The following ATRNL1 variants were observed in gnomAD, a reference collection of about 807,000 sequenced individuals.
ATRNL1 encodes the protein attractin like 1, also known as attractin-like protein 1.
ATRNL1 carries 95 observed loss-of-function variants against 182.7 expected under a neutral mutation model. The observed-to-expected ratio is 0.52, with a 90% CI of 0.44 to 0.62. The LOEUF is 0.62. Ranked by LOEUF, ATRNL1 falls within the 20% of genes least tolerant of loss-of-function variation. The pLI, the probability that ATRNL1 is intolerant of heterozygous loss-of-function variation, is 0.00. For synonymous variants in ATRNL1, 576 were observed against 568.3 expected, an observed-to-expected ratio of 1.01 and a Z score of -0.19; for missense variants, 1,471 against 1,679.5, an observed-to-expected ratio of 0.88 and a Z score of 2.17.
Position 115,943,112 on chromosome 10 carries a change from C to T in ATRNL1, c.4019-1546C>T, listed in dbSNP as rs1953777359. On this transcript the variant is annotated intron_variant, in intron 28 of 28. Coordinates refer to ENST00000355044, the MANE Select transcript of ATRNL1 (RefSeq NM_207303.4). ...TAATACTCAAGGTCCTTTTCTAGTA[C>T]TTAAGACGCTTGTCAGCTAAATGTC... is the stretch of plus-strand genomic sequence containing the variant. Among the ~76,000 whole-genome samples the T allele has an allele frequency of 2.0e-5, 3 of 152,326 alleles. No individual in the cohort carries two copies. The South Asian group carries it at 6.2e-4, about 32-fold the overall frequency.
At chr10:115,282,728 A>C (rs1852426780) in intron 14 of ATRNL1, among the ~76,000 whole-genome samples, 1 of 152,006 alleles carries the variant, frequency 6.6e-6, no homozygotes. Context: ...CTTGTAAATG[A>C]CAGAGTTGTA....
chr10:115,473,263 G>A (rs1848388237), intron 24 of ATRNL1, among the ~76,000 whole-genome samples: 1 of 151,028 alleles, frequency 6.6e-6, no homozygotes, highest in Non-Finnish European at 1.5e-5. Flanking sequence ...TTTTGTTGAG[G>A]ATATTTGCAT....
At chr10:115,107,958 G>A (rs182411462) in intron 1 of ATRNL1, among the ~76,000 whole-genome samples, 48 of 152,068 alleles carry the variant, frequency 3.2e-4, no homozygotes, top group Admixed American at 5.2e-4. Context: ...TCCTAGATGG[G>A]AGGGGCAGCC....
At chr10:115,288,532 T>A (rs1237770027) in intron 15 of ATRNL1, among the ~76,000 whole-genome samples, 7 of 151,238 alleles carry the variant, frequency 4.6e-5, no homozygotes, top group African/African-American at 1.2e-4. Context: ...TTTTTTTTTT[T>A]ATTTTTTTTG....
At chr10:115,770,111 C>G (rs1593192252) in intron 27 of ATRNL1, among the ~76,000 whole-genome samples, 1 of 151,462 alleles carries the variant, frequency 6.6e-6, no homozygotes, top group East Asian at 1.9e-4. Flanking sequence ...AAACCTGGGT[C>G]TAGGTTATAC....
intron 27 of ATRNL1, among the ~76,000 whole-genome samples, chr10:115,807,318 G>T (rs1321380105): frequency 1.3e-5 from 2 of 152,006 alleles, no homozygotes; most frequent in Non-Finnish European, 2.9e-5. Flanking sequence ...TCTTCATCAT[G>T]TTGGCCAGGC....
intron 26 of ATRNL1, among the ~76,000 whole-genome samples, chr10:115,606,967 C>A (rs933282080): frequency 1.3e-5 from 2 of 151,828 alleles, no homozygotes; most frequent in South Asian, 4.1e-4. Context: ...TTCAGTGATG[C>A]GTGATAAAGT....
At chr10:115,918,125 C>A (rs2620957) in intron 28 of ATRNL1, among the ~76,000 whole-genome samples, 142,461 of 144,280 alleles carry the variant, frequency 0.99, 70,342 homozygotes, top group East Asian at 1. Context: ...TTTTTAAGAC[C>A]AAGTCTTGCT....
intron 26 of ATRNL1, among the ~76,000 whole-genome samples, chr10:115,619,651 A>G (rs1339994325): frequency 6.6e-6 from 1 of 152,196 alleles, no homozygotes; most frequent in African/African-American, 2.4e-5. Flanking sequence ...ATGTTTAACC[A>G]TTTATTTTTC....
intron 26 of ATRNL1, among the ~76,000 whole-genome samples, chr10:115,639,798 T>A (rs1555029600): frequency 6.6e-6 from 1 of 151,536 alleles, no homozygotes; most frequent in African/African-American, 2.4e-5. Flanking sequence ...AATGAGGGGT[T>A]TTTTTTTCAA....
intron 27 of ATRNL1, among the ~76,000 whole-genome samples, chr10:115,823,892 G>A (rs1950362890): frequency 6.6e-6 from 1 of 152,052 alleles, no homozygotes; most frequent in Non-Finnish European, 1.5e-5. Flanking sequence ...CCATCAAGTT[G>A]CCATTGACTT....
At chr10:115,770,181 G>A (rs1271452361) in intron 27 of ATRNL1, among the ~76,000 whole-genome samples, 2 of 151,696 alleles carry the variant, frequency 1.3e-5, no homozygotes, top group East Asian at 3.9e-4. Flanking sequence ...TTATAAGGAA[G>A]CACAATAATG....
chr10:115,364,666 T>C (rs1291192338), intron 19 of ATRNL1, among the ~76,000 whole-genome samples: 2 of 151,218 alleles, frequency 1.3e-5, no homozygotes, highest in African/African-American at 4.9e-5. Context: ...TTGTCATAGA[T>C]AGCTCTTATT....
chr10:115,374,955 A>G (rs1403608724), intron 19 of ATRNL1, among the ~76,000 whole-genome samples: 2 of 151,736 alleles, frequency 1.3e-5, no homozygotes, highest in Non-Finnish European at 3.0e-5. Context: ...TTGTTGTTGA[A>G]TGGAATGTTT....
chr10:115,170,293 A>T (rs1284364886), intron 7 of ATRNL1, among the ~76,000 whole-genome samples: 9 of 152,036 alleles, frequency 5.9e-5, no homozygotes, highest in East Asian at 1.9e-4. Context: ...GGTTGGAAAA[A>T]TTTTTTTCTA....
chr10:115,537,239 G>T (rs564209008), intron 25 of ATRNL1, among the ~76,000 whole-genome samples: 4 of 152,222 alleles, frequency 2.6e-5, no homozygotes, highest in African/African-American at 9.7e-5. Flanking sequence ...AGTTTACAAA[G>T]CTGAGGTTTA....
intron 27 of ATRNL1, among the ~76,000 whole-genome samples, chr10:115,810,797 C>G (rs782423151): frequency 6.6e-6 from 1 of 151,696 alleles, no homozygotes; most frequent in Non-Finnish European, 1.5e-5. Context: ...CTCTTATCTT[C>G]TAAATATTCC....
intron 27 of ATRNL1, among the ~76,000 whole-genome samples, chr10:115,807,001 A>G (rs1949934450): frequency 6.6e-6 from 1 of 152,096 alleles, no homozygotes; most frequent in Non-Finnish European, 1.5e-5. Flanking sequence ...TAAGGTGACA[A>G]ATTTAAGTTT....
intron 9 of ATRNL1, among the ~76,000 whole-genome samples, chr10:115,223,911 G>GTATATATATATATATATATA (rs782032076): frequency 1.7e-5 from 1 of 58,022 alleles, no homozygotes; most frequent in African/African-American, 7.1e-5. Flanking sequence ...GTGTGTGTGT[G>GTATATATATATATATATATA]TGTATATATA....
Sources: allele counts gnomAD v4.1 joint callset (sites outside exome capture counted in the v4.1 genomes callset), GRCh38; gene constraint gnomAD v4.1.1; transcripts MANE v1.5; gene names NCBI Gene and HGNC (gene_info 2026-07-23, HGNC 2026-07-21).